The following CNTNAP2 variants were observed in gnomAD, a reference collection of about 807,000 sequenced individuals.
CNTNAP2 encodes the protein contactin associated protein 2.
Under a neutral mutation model 155.2 loss-of-function variants are expected in CNTNAP2, and 98 were observed. The observed-to-expected ratio is 0.63, with a 90% CI of 0.54 to 0.75. CNTNAP2 has a LOEUF of 0.75. Among genes scored for constraint, CNTNAP2 ranks in the 30% least tolerant of loss-of-function variants. The pLI, the probability that CNTNAP2 is intolerant of heterozygous loss-of-function variation, is 0.00. For synonymous variants in CNTNAP2, 651 were observed against 631.2 expected, an observed-to-expected ratio of 1.03 and a Z score of -0.47; for missense variants, 1,727 against 1,688.1, an observed-to-expected ratio of 1.02 and a Z score of -0.40.
At chr7:147,040,182 T>TG (rs960878677) in intron 3 of CNTNAP2, among the ~76,000 whole-genome samples, 1 of 152,114 alleles carries the variant, frequency 6.6e-6, no homozygotes, top group African/African-American at 2.4e-5. Flanking sequence ...AACAAGCCTA[T>TG]GAAAAAAAGC....
At chr7:147,627,685 C>T in intron 12 of CNTNAP2, among the ~76,000 whole-genome samples, 1 of 87,588 alleles carries the variant, frequency 1.1e-5, no homozygotes, top group East Asian at 2.7e-4. Flanking sequence ...GAGCGAGACT[C>T]TGTCTCAAAA....
intron 1 of CNTNAP2, among the ~76,000 whole-genome samples, chr7:146,325,703 A>G (rs915854764): frequency 6.6e-6 from 1 of 151,968 alleles, no homozygotes; most frequent in Non-Finnish European, 1.5e-5. Flanking sequence ...TTAATGCATC[A>G]TTTCCTTACT....
intron 17 of CNTNAP2, among the ~76,000 whole-genome samples, chr7:148,169,322 G>A (rs1805731418): frequency 6.6e-6 from 1 of 152,164 alleles, no homozygotes; most frequent in African/African-American, 2.4e-5. Context: ...GTGTGGAGAA[G>A]ATGAAAATCT....
chr7:147,191,891 A>C (rs560997904), intron 8 of CNTNAP2, among the ~76,000 whole-genome samples: 1 of 152,324 alleles, frequency 6.6e-6, no homozygotes, highest in South Asian at 2.1e-4. Flanking sequence ...TTTTTAAAAA[A>C]GCAAAACTGA....
rs569636407 is a variant in CNTNAP2, at chr7:147,880,253, A to T, written c.2099-23312A>T. On this transcript the variant is annotated intron_variant, in intron 13 of 23. Transcript: ENST00000361727. ...AGAAGGGTGGTCATGGACAAAAGAAACAGTGGACAAAGTTTTGTGTATGAC... is the reference window on the plus strand; with the variant it reads ...AGAAGGGTGGTCATGGACAAAAGAATCAGTGGACAAAGTTTTGTGTATGAC... 2.0e-5 allele frequency among the ~76,000 whole-genome samples: 3 copies of T among 152,314 alleles called. No homozygotes were observed. In the South Asian group the frequency reaches 6.2e-4, roughly 32 times the overall value.
rs187635498 is a variant in CNTNAP2 at position 147,014,180 on chromosome 7, A to G, written c.403-29727A>G. Among the ~76,000 whole-genome samples, 174 of 152,310 alleles carry G rather than the reference A, an allele frequency of 1.1e-3. 1 individual carries two copies. Among genetic ancestry groups the G allele is most frequent in the African/African-American group, 3.8e-3 (156 of 41,582 alleles). Reference sequence around the variant, plus strand: ...GTCTATGCTCATTTTAATGTTAATTATTCTGTGTTCCAAAACAAATGTATT... The same window carrying G: ...GTCTATGCTCATTTTAATGTTAATTGTTCTGTGTTCCAAAACAAATGTATT... On this transcript the variant is annotated intron_variant, in intron 3 of 23. Transcript: ENST00000361727.
chr7:147,318,019 A>T (rs1223938695), intron 9 of CNTNAP2, among the ~76,000 whole-genome samples: 3 of 152,108 alleles, frequency 2.0e-5, no homozygotes, highest in Admixed American at 2.0e-4. Context: ...AATAATTTTA[A>T]TGTTCTCCTT....
chr7:148,307,876 G>A (rs1224741490), intron 21 of CNTNAP2, among the ~76,000 whole-genome samples: 3 of 152,134 alleles, frequency 2.0e-5, no homozygotes, highest in African/African-American at 7.2e-5. Context: ...GGGATGCTGA[G>A]GCAGGAGAAT....
At chr7:146,875,908 A>ACG (rs1795411971) in intron 3 of CNTNAP2, among the ~76,000 whole-genome samples, 4 of 122,860 alleles carry the variant, frequency 3.3e-5, no homozygotes, top group African/African-American at 1.3e-4. Context: ...ACACACACGC[A>ACG]CACACACACA....
At chr7:146,975,573 G>A (rs530224330) in intron 3 of CNTNAP2, among the ~76,000 whole-genome samples, 11 of 152,198 alleles carry the variant, frequency 7.2e-5, no homozygotes, top group South Asian at 2.1e-4. Context: ...TAGTCAGTTC[G>A]GGATTGTAAT....
intron 1 of CNTNAP2, among the ~76,000 whole-genome samples, chr7:146,522,326 A>G (rs1052670539): frequency 2.6e-5 from 4 of 152,100 alleles, no homozygotes; most frequent in African/African-American, 9.7e-5. Flanking sequence ...ATCAAATTTT[A>G]TTAAAACTTA....
chr7:147,835,221 T>A (rs1798615482), intron 13 of CNTNAP2, among the ~76,000 whole-genome samples: 2 of 152,138 alleles, frequency 1.3e-5, no homozygotes, highest in Non-Finnish European at 2.9e-5. Context: ...GATTAAAATA[T>A]TTTAAAGAAG....
intron 18 of CNTNAP2, among the ~76,000 whole-genome samples, chr7:148,175,239 T>C (rs2116695181): frequency 6.6e-6 from 1 of 152,292 alleles, no homozygotes; most frequent in East Asian, 1.9e-4. Context: ...TCTTATTTTG[T>C]TTTTGCTTAG....
rs772752153 is a variant in CNTNAP2 at position 147,638,865 on chromosome 7, C to G, written c.1898-241C>G. 4.7e-6 allele frequency: 3 copies of G among 636,362 alleles called. No individual in the cohort carries two copies. In the South Asian group the frequency reaches 5.1e-5, roughly 11 times the overall value. The allele number at this position is 636,362 out of a possible 1,614,324, so 39.4% of individuals were successfully genotyped here. Reference sequence around the variant, plus strand: ...GCTTTTTTTTTTTTTCTTTTTTTGCCTTGCTTTCAGGAGGTATCTTGCATT... The same window carrying G: ...GCTTTTTTTTTTTTTCTTTTTTTGCGTTGCTTTCAGGAGGTATCTTGCATT... On this transcript the variant is annotated intron_variant, in intron 12 of 23. Transcript: ENST00000361727.
chr7:147,833,523 G>A lies in CNTNAP2; in HGVS notation c.2099-70042G>A, dbSNP rs535775862. On this transcript the variant is annotated intron_variant, in intron 13 of 23. Transcript: ENST00000361727. ...GGAAAGGAGTCCTGAGGTTGAGGAA[G>A]GCCAGTCACTGCTGGCCTCAGCTTC... 2.0e-5 allele frequency among the ~76,000 whole-genome samples: 3 copies of A among 152,306 alleles called. No homozygotes were observed. The East Asian group carries it at 5.8e-4, about 29-fold the overall frequency.
In CNTNAP2 at chr7:148,267,080, C is replaced by T. The variant is rs753610964; in HGVS notation, c.3429C>T (p.Asp1143=). 6.2e-7 allele frequency: 1 copy of T among 1,614,204 alleles called. No homozygotes were observed. Among genetic ancestry groups the T allele is most frequent in the Non-Finnish European group, 8.5e-7 (1 of 1,180,036 alleles). Residue 1143 remains aspartate (D), a synonymous_variant, in exon 21 of 24, where the codon GAC becomes GAT. Transcript: ENST00000361727. ...SVSYHLPSSS[D]TLFNSPKSLF... Reference sequence around the variant, plus strand: ...GTTACCATCTGCCAAGTTCATCCGACACCCTCTTCAATTCTCCCAAGTCGC... The same window carrying T: ...GTTACCATCTGCCAAGTTCATCCGATACCCTCTTCAATTCTCCCAAGTCGC...
At chr7:147,317,576 ACTT>A (rs1216928893) in intron 9 of CNTNAP2, among the ~76,000 whole-genome samples, 1 of 152,130 alleles carries the variant, frequency 6.6e-6, no homozygotes, top group Non-Finnish European at 1.5e-5. Flanking sequence ...TAAGATGACT[ACTT>A]CTTTCTCAAA....
intron 10 of CNTNAP2, among the ~76,000 whole-genome samples, chr7:147,460,215 A>T (rs1473822234): frequency 1.3e-5 from 2 of 152,060 alleles, no homozygotes; most frequent in South Asian, 4.2e-4. Flanking sequence ...CTGCCAAAAG[A>T]AAATGTATAC....
intron 1 of CNTNAP2, among the ~76,000 whole-genome samples, chr7:146,315,128 G>T (rs1431397069): frequency 6.6e-6 from 1 of 152,128 alleles, no homozygotes; most frequent in Admixed American, 6.6e-5. Flanking sequence ...ACCTGTTAAA[G>T]GCCAAAACCA....
Sources: allele counts gnomAD v4.1 joint callset (sites outside exome capture counted in the v4.1 genomes callset), GRCh38; gene constraint gnomAD v4.1.1; transcripts MANE v1.5; gene names NCBI Gene and HGNC (gene_info 2026-07-23, HGNC 2026-07-21).